The following IL16 variants were observed in gnomAD, a reference collection of about 807,000 sequenced individuals.
IL16 encodes pro-interleukin-16.
IL16 carries 67 observed loss-of-function variants against 110.1 expected under a neutral mutation model. That is an observed-to-expected ratio of 0.61 (90% CI 0.50 to 0.75). The LOEUF (loss-of-function observed/expected upper bound fraction) is 0.75, where lower values mean the gene tolerates loss of function less well. IL16 is among the 30% of genes least tolerant of loss of function. The pLI, the probability that IL16 is intolerant of heterozygous loss-of-function variation, is 0.00. For synonymous variants in IL16, 689 were observed against 662.9 expected, an observed-to-expected ratio of 1.04 and a Z score of -0.61; for missense variants, 1,545 against 1,655.0, an observed-to-expected ratio of 0.93 and a Z score of 1.15.
chr15:81,230,646 G>A (rs1896939148), intron 2 of IL16, among the ~76,000 whole-genome samples: 1 of 152,110 alleles, frequency 6.6e-6, no homozygotes, highest in Non-Finnish European at 1.5e-5. Flanking sequence ...TGAGTAGTGG[G>A]GGAATTATAT....
At chr15:81,241,115 C>T (rs1897323171) in intron 2 of IL16, among the ~76,000 whole-genome samples, 9 of 152,022 alleles carry the variant, frequency 5.9e-5, no homozygotes, top group Admixed American at 5.9e-4. Context: ...CTCTTATGAA[C>T]ATGGGGTTGT....
intron 1 of IL16, among the ~76,000 whole-genome samples, chr15:81,219,252 G>A (rs2142016446): frequency 6.6e-6 from 1 of 152,294 alleles, no homozygotes. Flanking sequence ...TCATTCTGCA[G>A]TGACATTGAC....
intron 6 of IL16, among the ~76,000 whole-genome samples, chr15:81,276,045 T>A (rs1898894528): frequency 6.6e-6 from 1 of 152,246 alleles, no homozygotes; most frequent in Admixed American, 6.5e-5. Flanking sequence ...GCCCCTTAGG[T>A]AATTAAGAAT....
At position 81,256,158 on chromosome 15, in the gene IL16, A is replaced by T. The variant is rs147901221; in HGVS notation, c.313-3614A>T. On this transcript the variant is annotated intron_variant, in intron 2 of 18. Transcript: ENST00000683961. Reference sequence around the variant, plus strand: ...GTGCCTGGTACAGAGTAAGTGCTTAATAAACATTTGTTGAATGAATGAGTG... The same window carrying T: ...GTGCCTGGTACAGAGTAAGTGCTTATTAAACATTTGTTGAATGAATGAGTG... 2.1e-3 allele frequency among the ~76,000 whole-genome samples: 320 copies of T among 152,308 alleles called. 1 individual carries two copies. Among genetic ancestry groups the T allele is most frequent in the Non-Finnish European group, 2.9e-3 (195 of 68,026 alleles).
intron 6 of IL16, among the ~76,000 whole-genome samples, chr15:81,276,625 G>A (rs529054404): frequency 1.2e-4 from 18 of 152,304 alleles, no homozygotes; most frequent in African/African-American, 3.4e-4. Context: ...TCACCAAAAA[G>A]TGAATATCAA....
chr15:81,222,350 G>C (rs1225984443), intron 1 of IL16, among the ~76,000 whole-genome samples: 3 of 150,150 alleles, frequency 2.0e-5, no homozygotes, highest in African/African-American at 7.4e-5. Flanking sequence ...CAACGGCAAA[G>C]AGAAGAGCTA....
chr15:81,242,861 C>A (rs1897382461), intron 2 of IL16, among the ~76,000 whole-genome samples: 1 of 151,668 alleles, frequency 6.6e-6, no homozygotes, highest in Non-Finnish European at 1.5e-5. Flanking sequence ...TGCAGATGTT[C>A]TTTATGAGGT....
At chr15:81,199,958 G>A (rs1895750230) in intron 1 of IL16, among the ~76,000 whole-genome samples, 1 of 152,148 alleles carries the variant, frequency 6.6e-6, no homozygotes, top group South Asian at 2.1e-4. Flanking sequence ...GCTAAATGAG[G>A]AATCAAAGCA....
At chr15:81,234,983 G>A (rs1897133387) in intron 2 of IL16, among the ~76,000 whole-genome samples, 1 of 152,134 alleles carries the variant, frequency 6.6e-6, no homozygotes, top group East Asian at 1.9e-4. Context: ...CTGCCAGCTA[G>A]GATTCTCTTT....
intron 2 of IL16, among the ~76,000 whole-genome samples, chr15:81,232,310 C>T (rs1469510612): frequency 6.6e-6 from 1 of 152,178 alleles, no homozygotes; most frequent in South Asian, 2.1e-4. Flanking sequence ...CTCTATTTCT[C>T]CCCTTCCAAT....
Position 81,222,466 on chromosome 15 carries a change from C to T in IL16, c.-101-2833C>T, listed in dbSNP as rs182034946. On this transcript the variant is annotated intron_variant, in intron 1 of 18. Transcript: ENST00000683961. The stretch of plus-strand genomic sequence containing the variant: ...TTTCAGGCATGGCTGGATCTAGATG[C>T]CCATATGATAATGTCTGAACTCAGT... 8.6e-5 allele frequency among the ~76,000 whole-genome samples: 13 copies of T among 151,284 alleles called. 1 individual carries two copies. Among genetic ancestry groups the T allele is most frequent in the African/African-American group, 3.2e-4 (13 of 41,194 alleles).
At chr15:81,306,709 T>C (rs1413197834) in intron 18 of IL16, 164 bp downstream of exon 18, 2 of 838,002 alleles carry the variant, frequency 2.4e-6, no homozygotes, top group African/African-American at 3.3e-5. Context: ...TTTTTCTACT[T>C]TTTCTCCTTT....
chr15:81,255,814 C>T (rs1897925790), intron 2 of IL16, among the ~76,000 whole-genome samples: 1 of 152,170 alleles, frequency 6.6e-6, no homozygotes, highest in Admixed American at 6.5e-5. Flanking sequence ...ATTCTCCTGC[C>T]ATCAATTGGC....
At chr15:81,288,027 C>T (rs1463759378) in intron 10 of IL16, among the ~76,000 whole-genome samples, 1 of 152,218 alleles carries the variant, frequency 6.6e-6, no homozygotes, top group African/African-American at 2.4e-5. Flanking sequence ...AATGTGCATT[C>T]TCCCAGAGAC....
chr15:81,307,152 C>T (rs368217982), intron 18 of IL16, among the ~76,000 whole-genome samples: 3 of 152,300 alleles, frequency 2.0e-5, no homozygotes, highest in African/African-American at 7.2e-5. Context: ...CTGTGGCTAC[C>T]ATGTAAAACC....
chr15:81,303,404 G>A lies in IL16; in HGVS notation c.3319-145G>A, dbSNP rs1263480612. On this transcript the variant is annotated intron_variant, in intron 15 of 18. Coordinates refer to ENST00000683961, the MANE Select transcript of IL16 (RefSeq NM_172217.5). This position sits in a 1 kb window ranked among gnomAD's most constrained non-coding sequence, Gnocchi z 4.1. ...TGAAGGTCCATTCTTTACAGATGAG[G>A]AAACTGAGGTTTGAGGAGGTGATGT... The A allele has an allele frequency of 3.5e-5, 22 of 624,790 alleles. No homozygotes were observed. The highest frequency in any genetic ancestry group is 5.2e-4 in the Middle Eastern group (2 of 3,814). The allele number at this position is 624,790 out of a possible 1,614,324, so 38.7% of individuals were successfully genotyped here. A position where few individuals can be genotyped will look rare whatever the true frequency, so the allele number is the denominator to read the frequency against.
In IL16 at chr15:81,286,960, C is replaced by T. The variant is rs778061919; in HGVS notation, c.1332+1130C>T. On this transcript the variant is annotated intron_variant, in intron 10 of 18. Coordinates refer to ENST00000683961, the MANE Select transcript of IL16 (RefSeq NM_172217.5). ...TGAAAGGGGAAACCCCTTATAAAATCGTCAGATCTTGTGAGACTTATTCAC... is the reference window on the plus strand; with the variant it reads ...TGAAAGGGGAAACCCCTTATAAAATTGTCAGATCTTGTGAGACTTATTCAC... Among the ~76,000 whole-genome samples the T allele has an allele frequency of 3.6e-4, 55 of 152,300 alleles. 1 individual carries two copies. Among genetic ancestry groups the T allele is most frequent in the South Asian group, 1.0e-3 (5 of 4,826 alleles).
intron 1 of IL16, among the ~76,000 whole-genome samples, chr15:81,223,312 A>T (rs964301413): frequency 2.6e-5 from 4 of 152,200 alleles, no homozygotes; most frequent in African/African-American, 7.2e-5. Context: ...CATGAAGGGG[A>T]TAAAGGAAAA....
At chr15:81,199,916 A>G (rs1595938747) in intron 1 of IL16, among the ~76,000 whole-genome samples, 1 of 152,208 alleles carries the variant, frequency 6.6e-6, no homozygotes. Context: ...ATCAATGCAC[A>G]TATGACAAGA....
Sources: allele counts gnomAD v4.1 joint callset (sites outside exome capture counted in the v4.1 genomes callset), GRCh38; gene constraint gnomAD v4.1.1; non-coding constraint Gnocchi (gnomAD v3.1); transcripts MANE v1.5; gene names NCBI Gene and HGNC (gene_info 2026-07-23, HGNC 2026-07-21).